The following CLBA1 variants were observed in gnomAD, a reference collection of about 807,000 sequenced individuals.
CLBA1 encodes uncharacterized protein CLBA1.
Under a neutral mutation model 28.8 loss-of-function variants are expected in CLBA1, and 30 were observed. The ratio of observed to expected loss-of-function variants is 1.04; its 90% CI spans 0.78 to 1.41. CLBA1 has a LOEUF of 1.41. Ranked by LOEUF, CLBA1 falls within the 40% of genes most tolerant of loss-of-function variation. The pLI is 0.00. For synonymous variants in CLBA1, 160 were observed against 152.8 expected (o/e 1.05, Z -0.35); for missense variants, 451 against 412.3 (o/e 1.09, Z -0.81).
rs1899848988 is a variant in CLBA1, at chr14:104,986,178, C to T, written c.-254C>T. 4 of 556,050 alleles carry T rather than the reference C, an allele frequency of 7.2e-6. No homozygotes were observed. In the South Asian group the frequency reaches 8.3e-5, roughly 12 times the overall value. The allele number at this position is 556,050 out of a possible 1,614,324, so 34.4% of individuals were successfully genotyped here. ...GTCTGGTACGCGCCTCTGTGTCGGA[C>T]TCCGCGCCCGCCTGCGTGGGAGGAA... On this transcript the variant is annotated 5_prime_UTR_variant, in exon 1 of 5. Transcript: ENST00000547315.
Position 104,994,983 on chromosome 14 carries a change from CCATGACA to C in CLBA1, c.*225_*231del, listed in dbSNP as rs555779213. ...AAGGGGAGACAGAGGTTTCTGGATG[CCATGACA>C]GGCTGTCGGGGTCCAGGTGGCACTC... On this transcript the variant is annotated 3_prime_UTR_variant, in exon 5 of 5. Coordinates refer to ENST00000547315, the MANE Select transcript of CLBA1 (RefSeq NM_174891.4). 3.8e-4 allele frequency: 456 copies of C among 1,206,404 alleles called. No individual in the cohort carries two copies. The highest frequency in any genetic ancestry group is 4.4e-4 in the Non-Finnish European group (422 of 969,096). 74.7% of individuals were successfully genotyped at this position (1,206,404 alleles called of 1,614,324 possible).
At chr14:104,995,804 TGAG>T (rs1900146870), downstream of CLBA1, among the ~76,000 whole-genome samples, 1 of 152,234 alleles carries the variant, frequency 6.6e-6, no homozygotes, top group Non-Finnish European at 1.5e-5. Flanking sequence ...AGGTCTGTGA[TGAG>T]GAGAATTCCT....
At chr14:104,991,700 A>G (rs1231965267) in intron 3 of CLBA1, 80 bp downstream of exon 3, 5 of 1,501,164 alleles carry the variant, frequency 3.3e-6, no homozygotes, top group Non-Finnish European at 4.5e-6. Flanking sequence ...GCCGCGCCCA[A>G]GGGGTGGGTG....
chr14:104,994,498 TA>T, intron 4 of CLBA1, 99 bp from the exon 5 acceptor site: 1 of 1,472,576 alleles, frequency 6.8e-7, no homozygotes, highest in East Asian at 2.4e-5. Flanking sequence ...GAGAGAACAC[TA>T]GGGGGCCGAG....
chr14:104,986,827 A>G lies in CLBA1; in HGVS notation c.396A>G (p.Thr132=), dbSNP rs199653305. The stretch of plus-strand genomic sequence containing the variant: ...CATGCCAGGGTGGACCTTGGGTGAC[A>G]GGAACTTCTGCCGTCCCACCTTCTG... ...HQPCQGGPWV[T]GTSAVPPSEP... Residue 132 remains threonine, a synonymous_variant, in exon 1 of 5, where the codon ACA becomes ACG. Transcript: ENST00000547315. 1 of 1,613,046 alleles carries G rather than the reference A, an allele frequency of 6.2e-7. No individual in the cohort carries two copies. The highest frequency in any genetic ancestry group is 1.3e-5 in the African/African-American group (1 of 74,870).
At position 104,986,274 on chromosome 14, in the gene CLBA1, C is replaced by G. The variant is rs1035325165; in HGVS notation, c.-158C>G. 5 of 717,108 alleles carry G rather than the reference C, an allele frequency of 7.0e-6. No individual in the cohort carries two copies. The highest frequency in any genetic ancestry group is 2.9e-5 in the Admixed American group (1 of 34,108). 44.4% of individuals were successfully genotyped at this position (717,108 alleles called of 1,614,324 possible). A position where few individuals can be genotyped will look rare whatever the true frequency, so the allele number is the denominator to read the frequency against. ...TTCCACAGCAGCACGTGGGCACTTT[C>G]CACCGTCAGCCACTGGGCAGCCCGG... is the stretch of plus-strand genomic sequence containing the variant. On this transcript the variant is annotated 5_prime_UTR_variant, in exon 1 of 5. Transcript: ENST00000547315.
rs140744545 is a variant in CLBA1 at position 104,990,168 on chromosome 14, G to A, written c.569+1080G>A. ...TCTGTCCCCAGCAGCACAACTCGCGGACCCAGAGGCATGGGGAGTCCTGGG... is the reference window on the plus strand; with the variant it reads ...TCTGTCCCCAGCAGCACAACTCGCGAACCCAGAGGCATGGGGAGTCCTGGG... On this transcript the variant is annotated intron_variant, in intron 2 of 4. Transcript: ENST00000547315. 1,136 of 166,590 alleles carry A rather than the reference G, an allele frequency of 6.8e-3. 6 individuals carry two copies. The highest frequency in any genetic ancestry group is 0.011 in the Non-Finnish European group (814 of 75,356). 10.3% of individuals were successfully genotyped at this position (166,590 alleles called of 1,614,324 possible).
intron 3 of CLBA1, among the ~76,000 whole-genome samples, chr14:104,992,292 C>T (rs1041254684): frequency 4.6e-5 from 7 of 152,222 alleles, no homozygotes; most frequent in African/African-American, 7.2e-5. Flanking sequence ...CACAGACTGC[C>T]GTGCACGTGC....
chr14:104,998,003 T>C (rs1244581756), downstream of CLBA1, among the ~76,000 whole-genome samples: 2 of 150,946 alleles, frequency 1.3e-5, no homozygotes, highest in African/African-American at 2.5e-5. Context: ...AGTGAGACTC[T>C]ATCTCAAAAA....
At chr14:104,986,985 G>A in intron 1 of CLBA1, 131 bp downstream of exon 1, 3 of 1,103,558 alleles carry the variant, frequency 2.7e-6, no homozygotes, top group Non-Finnish European at 2.6e-6. Context: ...CTTCTCTCCT[G>A]GCCTTCGTCC....
Position 104,986,628 on chromosome 14 carries a change from C to T in CLBA1, c.197C>T (p.Ala66Val), listed in dbSNP as rs746093190. ...MPREGGSTCT[A>V]RCPDPGEHSS... ...CGTGAGGGCGGTTCCACCTGCACTG[C>T]CCGATGTCCTGACCCTGGGGAACAC... Residue 66 changes from alanine (A) to valine (V), a missense_variant, in exon 1 of 5, where the codon GCC (alanine) becomes GTC (valine). Physicochemically the swap from Ala to Val is moderately conservative, Grantham distance 64. Transcript: ENST00000547315. 6.8e-6 allele frequency: 11 copies of T among 1,613,930 alleles called. No individual in the cohort carries two copies. The highest frequency in any genetic ancestry group is 9.3e-6 in the Non-Finnish European group (11 of 1,180,020).
chr14:105,000,461 A>G (rs71421898), downstream of CLBA1, among the ~76,000 whole-genome samples: 19 of 151,780 alleles, frequency 1.3e-4, no homozygotes, highest in African/African-American at 2.4e-4. Flanking sequence ...TAGTAGAGAC[A>G]GGGTTTCACC....
chr14:104,986,617 C>T lies in CLBA1; in HGVS notation c.186C>T (p.Ser62=), dbSNP rs748070155. The change falls in exon 1 of 5, where the codon TCC becomes TCT. Residue 62 remains serine (S), a synonymous_variant. Transcript: ENST00000547315. ...ASISMPREGG[S]TCTARCPDPG... is the part of the protein sequence containing the mutation. ...TCTCCATGCCCCGTGAGGGCGGTTCCACCTGCACTGCCCGATGTCCTGACC... is the reference window on the plus strand; with the variant it reads ...TCTCCATGCCCCGTGAGGGCGGTTCTACCTGCACTGCCCGATGTCCTGACC... 1 of 1,613,996 alleles carries T rather than the reference C, an allele frequency of 6.2e-7. No individual in the cohort carries two copies.
chr14:104,988,368 T>C (rs1007203272), intron 1 of CLBA1, among the ~76,000 whole-genome samples: 1 of 149,982 alleles, frequency 6.7e-6, no homozygotes, highest in African/African-American at 2.5e-5. Flanking sequence ...AGTCTCTCTC[T>C]GTCACCCAGG....
chr14:104,989,189 C>T (rs866673136), intron 2 of CLBA1, 101 bp downstream of exon 2: 30 of 1,242,158 alleles, frequency 2.4e-5, no homozygotes, highest in Middle Eastern at 2.1e-4. Flanking sequence ...TGGAGAGTAG[C>T]ATCTCTCCTG....
chr14:104,999,640 G>A (rs1029105446), downstream of CLBA1: 4 of 152,286 alleles, frequency 2.6e-5, no homozygotes, highest in South Asian at 2.1e-4. Flanking sequence ...GATGGTAGGT[G>A]CTGCATGCTG....
At chr14:104,989,952 G>T in intron 2 of CLBA1, 1 of 324,886 alleles carries the variant, frequency 3.1e-6, no homozygotes, top group South Asian at 2.4e-5. Flanking sequence ...CCTGCCCCAG[G>T]GTACCCTCTA....
At chr14:104,993,936 A>G (rs1299169179) in intron 4 of CLBA1, 2 of 985,270 alleles carry the variant, frequency 2.0e-6, no homozygotes, top group East Asian at 2.3e-4. Context: ...GGAAGGTTGC[A>G]TAGCACAGGA....
intron 3 of CLBA1, among the ~76,000 whole-genome samples, chr14:104,992,081 C>T (rs1366773795): frequency 1.7e-4 from 25 of 147,752 alleles, no homozygotes; most frequent in African/African-American, 6.0e-4. Context: ...CACCCCGCCA[C>T]GCACATGCCT....
Sources: gnomAD v4.1 joint callset for allele counts (sites outside exome capture counted in the v4.1 genomes callset) on GRCh38, gnomAD v4.1.1 for gene constraint, MANE v1.5 for transcripts, NCBI Gene and HGNC (gene_info 2026-07-23, HGNC 2026-07-21) for gene names.